The following MYOCD variants were observed in gnomAD, a reference collection of about 807,000 sequenced individuals.
MYOCD encodes myocardin.
In MYOCD, 32 loss-of-function variants were observed where a neutral mutation model predicts 96.1. The ratio of observed to expected loss-of-function variants is 0.33; its 90% CI spans 0.25 to 0.45. The LOEUF is 0.45. MYOCD is among the 20% of genes least tolerant of loss of function. MYOCD has a pLI of 1.00. For synonymous variants in MYOCD, 469 were observed against 469.0 expected (o/e 1.00, Z 0.00); for missense variants, 1,133 against 1,200.6 (o/e 0.94, Z 0.83).
intron 1 of MYOCD, among the ~76,000 whole-genome samples, chr17:12,692,548 C>T (rs935620501): frequency 2.0e-5 from 3 of 152,178 alleles, no homozygotes; most frequent in African/African-American, 7.2e-5. Flanking sequence ...AAAGTTAAAT[C>T]TATGTTTTCC....
At chr17:12,754,094 G>A (rs930347248) in intron 10 of MYOCD, among the ~76,000 whole-genome samples, 1 of 151,308 alleles carries the variant, frequency 6.6e-6, no homozygotes, top group Non-Finnish European at 1.5e-5. Flanking sequence ...GTGTGTGTGT[G>A]TAGTTTGGAA....
chr17:12,722,951 G>A lies in MYOCD; in HGVS notation c.358G>A (p.Glu120Lys). ...EKIALRPGPL[E>K]LVEKNILPVD... The stretch of plus-strand genomic sequence containing the variant: ...AATTGCTCTACGACCAGGGCCACTG[G>A]AGCTGGTGGAAAAAAACATTCTTCC... The change falls in exon 5 of 14, where the codon GAG (glutamate) becomes AAG (lysine). Residue 120 changes from glutamate (E) to lysine (K), a missense_variant. Transcript: ENST00000425538. 3 of 1,614,038 alleles carry A rather than the reference G, an allele frequency of 1.9e-6. No homozygotes were observed. Among genetic ancestry groups the A allele is most frequent in the Non-Finnish European group, 2.5e-6 (3 of 1,179,986 alleles).
At chr17:12,741,664 G>A (rs899279769) in intron 7 of MYOCD, among the ~76,000 whole-genome samples, 1 of 151,424 alleles carries the variant, frequency 6.6e-6, no homozygotes, top group South Asian at 2.1e-4. Flanking sequence ...AGCCGAGATC[G>A]CAGTCACTGC....
chr17:12,759,126 G>A (rs978949401), intron 12 of MYOCD, among the ~76,000 whole-genome samples: 5 of 152,112 alleles, frequency 3.3e-5, no homozygotes, highest in Non-Finnish European at 7.4e-5. Context: ...TAAGGTATTC[G>A]ATAGCCCTTC....
intron 10 of MYOCD, 109 bp downstream of exon 10, chr17:12,753,455 C>CA: frequency 1.0e-6 from 1 of 995,556 alleles, no homozygotes. Flanking sequence ...AAGGGTTTAC[C>CA]AAAAGCATAG....
intron 2 of MYOCD, among the ~76,000 whole-genome samples, chr17:12,714,418 C>A (rs575134159): frequency 6.6e-6 from 1 of 151,014 alleles, no homozygotes; most frequent in East Asian, 2.0e-4. Context: ...AAGAATATTT[C>A]ATCACCTGCA....
At chr17:12,761,915 G>A (rs866336823) in intron 13 of MYOCD, 6 of 152,298 alleles carry the variant, frequency 3.9e-5, no homozygotes, top group African/African-American at 1.2e-4. Flanking sequence ...GAGCCACCAC[G>A]CCCAGCCTGC....
intron 5 of MYOCD, among the ~76,000 whole-genome samples, chr17:12,731,609 C>T (rs546788402): frequency 2.0e-5 from 3 of 152,286 alleles, no homozygotes; most frequent in South Asian, 2.1e-4. Context: ...ACCTAATCCT[C>T]GAAACCCTGA....
chr17:12,695,291 T>C (rs1052139919), intron 1 of MYOCD, among the ~76,000 whole-genome samples: 1 of 152,146 alleles, frequency 6.6e-6, no homozygotes, highest in Admixed American at 6.5e-5. Flanking sequence ...CCTCCCGTGG[T>C]GGAAGGGGCC....
intron 2 of MYOCD, chr17:12,706,079 A>G (rs1294211941): frequency 3.3e-5 from 5 of 152,222 alleles, no homozygotes; most frequent in Non-Finnish European, 5.9e-5. Flanking sequence ...TTGAAGCGCT[A>G]TGACCCATGG....
intron 1 of MYOCD, among the ~76,000 whole-genome samples, chr17:12,699,909 T>C (rs1238544743): frequency 2.1e-4 from 8 of 37,760 alleles, no homozygotes; most frequent in South Asian, 2.3e-3. Context: ...TTTTTTTACC[T>C]TTTTTTTTTT....
intron 4 of MYOCD, among the ~76,000 whole-genome samples, chr17:12,718,930 T>G (rs2031729401): frequency 6.6e-6 from 1 of 151,896 alleles, no homozygotes; most frequent in Admixed American, 6.6e-5. Flanking sequence ...TCCCAGTACT[T>G]TGGGAGGCTG....
chr17:12,703,457 CT>C lies in MYOCD; in HGVS notation c.56-1669del, dbSNP rs2031164837. On this transcript the variant is annotated intron_variant, in intron 1 of 13. Transcript: ENST00000425538. ...ATTCCTTTAATTCTGTCCATTTTTGCTTCATGTATTTTGAGGTTCTGTTCTT... is the reference window on the plus strand; with the variant it reads ...ATTCCTTTAATTCTGTCCATTTTTGCTCATGTATTTTGAGGTTCTGTTCTT... 2.0e-5 allele frequency among the ~76,000 whole-genome samples: 3 copies of C among 151,758 alleles called. No individual in the cohort carries two copies. The South Asian group carries it at 6.2e-4, about 31-fold the overall frequency.
intron 5 of MYOCD, among the ~76,000 whole-genome samples, chr17:12,726,712 A>G (rs1369395097): frequency 1.3e-5 from 2 of 152,182 alleles, no homozygotes; most frequent in African/African-American, 4.8e-5. Context: ...TTAAATGTCA[A>G]ACCTACACAT....
At chr17:12,748,382 A>AAATAATTCAGGAAAGGTAGG (rs1567597481) in intron 9 of MYOCD, among the ~76,000 whole-genome samples, 1 of 152,168 alleles carries the variant, frequency 6.6e-6, no homozygotes, top group Non-Finnish European at 1.5e-5. Context: ...CTTTGCTTCA[A>AAATAATTCAGGAAAGGTAGG]AATAATTCAG....
chr17:12,686,626 A>G (rs2030132840), intron 1 of MYOCD, among the ~76,000 whole-genome samples: 1 of 152,226 alleles, frequency 6.6e-6, no homozygotes, highest in Non-Finnish European at 1.5e-5. Flanking sequence ...CACAGTCTAG[A>G]GGCATGGGAG....
At chr17:12,749,998 C>T (rs1019560828) in intron 9 of MYOCD, among the ~76,000 whole-genome samples, 1 of 151,930 alleles carries the variant, frequency 6.6e-6, no homozygotes, top group Non-Finnish European at 1.5e-5. Flanking sequence ...TACAGGCGCC[C>T]GCCATCATGC....
At chr17:12,739,459 C>A in intron 7 of MYOCD, 131 bp downstream of exon 7, 1 of 1,046,688 alleles carries the variant, frequency 9.6e-7, no homozygotes, top group Non-Finnish European at 1.3e-6. Flanking sequence ...AGGTTCAGCT[C>A]ACTAGGAGGG....
chr17:12,760,731 A>T, intron 13 of MYOCD, 24 bp downstream of exon 13: 1 of 1,590,152 alleles, frequency 6.3e-7, no homozygotes, highest in East Asian at 2.2e-5. Flanking sequence ...TGTCCTGTCC[A>T]TTAGGACATT....
Sources: gnomAD v4.1 joint callset for allele counts (sites outside exome capture counted in the v4.1 genomes callset) on GRCh38, gnomAD v4.1.1 for gene constraint, MANE v1.5 for transcripts, NCBI Gene and HGNC (gene_info 2026-07-23, HGNC 2026-07-21) for gene names.